Variants in ADRA1D observed in about 807,000 individuals in gnomAD.
ADRA1D encodes adrenoceptor alpha 1D, also known as alpha-1D adrenergic receptor.
A neutral mutation model predicts 18.6 loss-of-function variants in ADRA1D; 22 were observed. The ratio of observed to expected loss-of-function variants is 1.19; its 90% CI spans 0.85 to 1.69. The LOEUF (loss-of-function observed/expected upper bound fraction) is 1.69, where lower values mean the gene tolerates loss of function less well. ADRA1D is among the 40% of genes most tolerant of loss of function. The pLI, the probability that ADRA1D is intolerant of heterozygous loss-of-function variation, is 0.00. For missense variants in ADRA1D, 840 were observed against 840.7 expected, an observed-to-expected ratio of 1.00 and a Z score of 0.01; for synonymous variants, 376 against 388.2, an observed-to-expected ratio of 0.97 and a Z score of 0.37.
rs192205026 is a variant in ADRA1D, at chr20:4,223,803, T to G, written c.1112-1673A>C. Among the ~76,000 whole-genome samples the G allele has an allele frequency of 4.6e-5, 7 of 152,352 alleles. No individual in the cohort carries two copies. The East Asian group carries it at 1.3e-3, about 29-fold the overall frequency. On this transcript the variant is annotated intron_variant, in intron 1 of 1. Coordinates refer to ENST00000379453, the MANE Select transcript of ADRA1D (RefSeq NM_000678.4). ...TTACCCAACTGTAGGTGAATGTAAG[T>G]GTTCTGAGCATGTTTAAGGTAGACC... is the stretch of plus-strand genomic sequence containing the variant.
At chr20:4,225,386 G>C (rs1342670052) in intron 1 of ADRA1D, among the ~76,000 whole-genome samples, 1 of 149,324 alleles carries the variant, frequency 6.7e-6, no homozygotes, top group African/African-American at 2.5e-5. Flanking sequence ...CACTTAGCAG[G>C]CTCTTAAAAA....
chr20:4,229,097 C>T lies in ADRA1D; in HGVS notation c.1112-6967G>A, dbSNP rs146220386. 1.6e-4 allele frequency among the ~76,000 whole-genome samples: 24 copies of T among 152,352 alleles called. No individual in the cohort carries two copies. The East Asian group carries it at 4.6e-3, about 29-fold the overall frequency. ...CTTGTCAGTTTCCTTGCTGCTCCTT[C>T]CTCACATCCTCACTGCTAAATGTAG... On this transcript the variant is annotated intron_variant, in intron 1 of 1. Transcript: ENST00000379453.
In ADRA1D at chr20:4,222,086, C is replaced by G; in HGVS notation, c.1156G>C (p.Val386Leu). 2 of 1,612,810 alleles carry G rather than the reference C, an allele frequency of 1.2e-6. No homozygotes were observed. The highest frequency in any genetic ancestry group is 1.1e-5 in the South Asian group (1 of 91,042). ...QLKPSEGVFK[V>L]IFWLGYFNSC... ...TTGAAGTAGCCGAGCCAGAAGATGA[C>G]CTTGAAGACGCCCTCCGATGGCTTC... is the stretch of plus-strand genomic sequence containing the variant. The change falls in exon 2 of 2, where the codon GTC becomes CTC. Residue 386 changes from valine (V) to leucine (L), a missense_variant. By Grantham distance (32) the Val-to-Leu change is conservative. Transcript: ENST00000379453. This position sits in a 1 kb window ranked among gnomAD's most constrained non-coding sequence, Gnocchi z 4.3.
At position 4,221,646 on chromosome 20, in the gene ADRA1D, C is replaced by T. The variant is rs772376421; in HGVS notation, c.1596G>A (p.Ala532=). 1.1e-5 allele frequency: 17 copies of T among 1,612,714 alleles called. No homozygotes were observed. The highest frequency in any genetic ancestry group is 1.6e-4 in the Middle Eastern group (1 of 6,078). The change falls in exon 2 of 2, where the codon GCG becomes GCA. Residue 532 remains alanine, a synonymous_variant. Coordinates refer to ENST00000379453, the MANE Select transcript of ADRA1D (RefSeq NM_000678.4). ...CCTCCACCTCTGAGCGCTGGGCGCA[C>T]GCTGCCTCTGCGCGCTGCGCGCCCC... ...RAGGAQRAEA[A]CAQRSEVEAV... is the part of the protein sequence containing the mutation.
rs2122651382 is a variant in ADRA1D, at chr20:4,221,282, G to C, written c.*241C>G. The C allele has an allele frequency of 2.2e-6, 1 of 444,682 alleles. No individual in the cohort carries two copies. The highest frequency in any genetic ancestry group is 2.0e-5 in the African/African-American group (1 of 49,180). 27.5% of individuals were successfully genotyped at this position (444,682 alleles called of 1,614,324 possible). A position where few individuals can be genotyped will look rare whatever the true frequency, so the allele number is the denominator to read the frequency against. ...AGCAAAAGGCCCCACGGAGCCCGCA[G>C]CCTCTCCCTTCTAAGAAAAGAGTTC... On this transcript the variant is annotated 3_prime_UTR_variant, in exon 2 of 2. Transcript: ENST00000379453.
At chr20:4,227,718 CCT>C (rs1216157643) in intron 1 of ADRA1D, among the ~76,000 whole-genome samples, 8 of 103,326 alleles carry the variant, frequency 7.7e-5, no homozygotes, top group Non-Finnish European at 1.2e-4. Flanking sequence ...TTCCTTCCTT[CCT>C]TCCTTCCTTC....
chr20:4,224,318 A>G (rs748467386), intron 1 of ADRA1D, among the ~76,000 whole-genome samples: 20 of 152,138 alleles, frequency 1.3e-4, no homozygotes, highest in Non-Finnish European at 2.4e-4. Flanking sequence ...ATGGCTTTGA[A>G]AAAGGAGAGT....
intron 1 of ADRA1D, among the ~76,000 whole-genome samples, chr20:4,223,833 T>G (rs1169298863): frequency 6.6e-6 from 1 of 152,196 alleles, no homozygotes; most frequent in Non-Finnish European, 1.5e-5. Context: ...TAGACCAGGG[T>G]AAGCTATGAT....
Position 4,247,901 on chromosome 20 carries a change from C to A in ADRA1D, c.1057G>T (p.Val353Phe). ...CAGCAGAGCACGAAGACACCCACGACGATGGCCAGAGTCTTGGCCGCTTTC... is the reference window on the plus strand; with the variant it reads ...CAGCAGAGCACGAAGACACCCACGAAGATGGCCAGAGTCTTGGCCGCTTTC... Reference protein sequence around the residue: ...EKKAAKTLAIVVGVFVLCWFP... With the variant: ...EKKAAKTLAIFVGVFVLCWFP... The change falls in exon 1 of 2, where the codon GTC becomes TTC. Residue 353 changes from valine to phenylalanine, a missense_variant. Physicochemically the swap from Val to Phe is conservative, Grantham distance 50. Coordinates refer to ENST00000379453, the MANE Select transcript of ADRA1D (RefSeq NM_000678.4). The A allele has an allele frequency of 6.3e-7, 1 of 1,596,226 alleles. No individual in the cohort carries two copies. The highest frequency in any genetic ancestry group is 8.5e-7 in the Non-Finnish European group (1 of 1,173,536).
Position 4,249,217 on chromosome 20 carries a change from G to T in ADRA1D, c.-260C>A. On this transcript the variant is annotated 5_prime_UTR_variant, in exon 1 of 2. Coordinates refer to ENST00000379453, the MANE Select transcript of ADRA1D (RefSeq NM_000678.4). The stretch of plus-strand genomic sequence containing the variant: ...CCGCTACGCGCGCGGCGCTCTGAGC[G>T]TGCCCGGCAAGCGGGCAAAGCGGCG... 1 of 165,844 alleles carries T rather than the reference G, an allele frequency of 6.0e-6. No individual in the cohort carries two copies. The highest frequency in any genetic ancestry group is 1.3e-5 in the Non-Finnish European group (1 of 78,024). The allele number at this position is 165,844 out of a possible 1,614,324, so 10.3% of individuals were successfully genotyped here. A position where few individuals can be genotyped will look rare whatever the true frequency, so the allele number is the denominator to read the frequency against.
rs372903381 is a variant in ADRA1D, at chr20:4,248,330, C to G, written c.628G>C (p.Glu210Gln). The G allele has an allele frequency of 7.5e-6, 12 of 1,605,432 alleles. No homozygotes were observed. Among genetic ancestry groups the G allele is most frequent in the South Asian group, 1.1e-5 (1 of 89,682 alleles). The change falls in exon 1 of 2, where the codon GAG becomes CAG. Residue 210 changes from glutamate to glutamine, a missense_variant. Transcript: ENST00000379453. ...GCCAGGATGGCGGCCGCCTTGCGCT[C>G]GGTCATGATGGCTGGGTACTTGAGT... ...HSLKYPAIMT[E>Q]RKAAAILALL...
chr20:4,230,001 G>A (rs1472052221), intron 1 of ADRA1D, among the ~76,000 whole-genome samples: 1 of 151,950 alleles, frequency 6.6e-6, no homozygotes, highest in Non-Finnish European at 1.5e-5. Context: ...TGCCTTCCCT[G>A]TTGCTTTTTG....
chr20:4,243,813 G>A (rs771725236), intron 1 of ADRA1D, among the ~76,000 whole-genome samples: 4 of 152,176 alleles, frequency 2.6e-5, no homozygotes, highest in Non-Finnish European at 4.4e-5. Context: ...GGGCACTTGC[G>A]GTCTAATGAG....
chr20:4,228,878 C>T (rs1980883614), intron 1 of ADRA1D, among the ~76,000 whole-genome samples: 1 of 152,194 alleles, frequency 6.6e-6, no homozygotes, highest in African/African-American at 2.4e-5. Context: ...TGGCCACCAC[C>T]TTCTTCTCTC....
In ADRA1D at chr20:4,248,561, A is replaced by G; in HGVS notation, c.397T>C (p.Tyr133His). 1 of 1,613,858 alleles carries G rather than the reference A, an allele frequency of 6.2e-7. No individual in the cohort carries two copies. Among genetic ancestry groups the G allele is most frequent in the East Asian group, 2.2e-5 (1 of 44,856 alleles). ...GCCACGGCCAGGTTCACGATGAAAT[A>G]GTTGGTGACGGTCTGCAGGTGGCGG... ...CNRHLQTVTN[Y>H]FIVNLAVADL... is the part of the protein sequence containing the mutation. Residue 133 changes from tyrosine (Y) to histidine (H), a missense_variant, in exon 1 of 2, where the codon TAT (tyrosine) becomes CAT (histidine). Tyr to His is a moderately conservative substitution (Grantham distance 83). Coordinates refer to ENST00000379453, the MANE Select transcript of ADRA1D (RefSeq NM_000678.4).
In ADRA1D at chr20:4,247,981, C is replaced by A. The variant is rs1283443628; in HGVS notation, c.977G>T (p.Gly326Val). The change falls in exon 1 of 2, where the codon GGC (glycine) becomes GTC (valine). Residue 326 changes from glycine (G) to valine (V), a missense_variant. Physicochemically the swap from Gly to Val is moderately radical, Grantham distance 109 (BLOSUM62 -3). Coordinates refer to ENST00000379453, the MANE Select transcript of ADRA1D (RefSeq NM_000678.4). Reference protein sequence around the residue: ...DGAHGMRSAKGHTFRSSLSVR... With the variant: ...DGAHGMRSAKVHTFRSSLSVR... ...GGAGAGCGAGCTGCGGAAGGTGTGG[C>A]CCTTGGCGCTGCGCATGCCGTGCGC... The A allele has an allele frequency of 6.3e-7, 1 of 1,578,338 alleles. No individual in the cohort carries two copies. The highest frequency in any genetic ancestry group is 1.2e-5 in the South Asian group (1 of 86,586).
At chr20:4,225,429 T>TTTC (rs1491189859) in intron 1 of ADRA1D, among the ~76,000 whole-genome samples, 8 of 12,084 alleles carry the variant, frequency 6.6e-4, no homozygotes, top group African/African-American at 2.3e-3. Flanking sequence ...TTTTTCTTTC[T>TTTC]TTTTTTTTTT....
At chr20:4,225,637 A>G (rs1461164019) in intron 1 of ADRA1D, among the ~76,000 whole-genome samples, 1 of 149,422 alleles carries the variant, frequency 6.7e-6, no homozygotes, top group Non-Finnish European at 1.5e-5. Context: ...GCTGGTCTTG[A>G]ACTACTGACC....
In ADRA1D at chr20:4,222,181, C is replaced by CA. The variant is rs753904294; in HGVS notation, c.1112-52dup. 6.3e-7 allele frequency: 1 copy of CA among 1,581,860 alleles called. No individual in the cohort carries two copies. The highest frequency in any genetic ancestry group is 8.6e-7 in the Non-Finnish European group (1 of 1,162,870). The stretch of plus-strand genomic sequence containing the variant: ...TTTAGCTGCTTGGGGAGGGGGAGGC[C>CA]AGGCGGCTCTGGGCGCAAAGGGGAG... On this transcript the variant is annotated intron_variant, in intron 1 of 1. Transcript: ENST00000379453. The surrounding 1 kb of genome is among the most constrained non-coding windows in gnomAD (Gnocchi z 4.3).
Sources: allele counts gnomAD v4.1 joint callset (sites outside exome capture counted in the v4.1 genomes callset), GRCh38; gene constraint gnomAD v4.1.1; non-coding constraint Gnocchi (gnomAD v3.1); transcripts MANE v1.5; gene names NCBI Gene and HGNC (gene_info 2026-07-23, HGNC 2026-07-21).